SMOC2: variants seen among roughly 807,000 people sequenced by gnomAD.
The protein encoded by SMOC2 is SPARC related modular calcium binding 2, also known as SPARC-related modular calcium-binding protein 2.
Under a neutral mutation model 61.4 loss-of-function variants are expected in SMOC2, and 39 were observed. The ratio of observed to expected loss-of-function variants is 0.64; its 90% CI spans 0.49 to 0.83. The LOEUF is 0.83. Ranked by LOEUF, SMOC2 falls within the 40% of genes least tolerant of loss-of-function variation. SMOC2 has a pLI of 0.00. For missense variants in SMOC2, 556 were observed against 592.9 expected (o/e 0.94, Z 0.65); for synonymous variants, 247 against 239.9 (o/e 1.03, Z -0.27).
At chr6:168,517,205 C>T (rs1347119765) in intron 2 of SMOC2, among the ~76,000 whole-genome samples, 2 of 149,634 alleles carry the variant, frequency 1.3e-5, no homozygotes, top group Non-Finnish European at 3.0e-5. Flanking sequence ...CGCTCTGAGG[C>T]CTGTCTGCGG....
At chr6:168,634,064 G>A (rs2115250824) in intron 9 of SMOC2, among the ~76,000 whole-genome samples, 1 of 152,306 alleles carries the variant, frequency 6.6e-6, no homozygotes, top group Non-Finnish European at 1.5e-5. Context: ...AGTTTCCTGA[G>A]GTTTTCCTAG....
At chr6:168,648,331 T>C (rs1319424642) in intron 9 of SMOC2, among the ~76,000 whole-genome samples, 1 of 152,262 alleles carries the variant, frequency 6.6e-6, no homozygotes, top group Admixed American at 6.5e-5. Context: ...CTCGTCGCCC[T>C]GGACAAGTTC....
At position 168,554,925 on chromosome 6, in the gene SMOC2, G is replaced by A. The variant is rs1047684461; in HGVS notation, c.637+5722G>A. ...GCTGGGTCCCCTCTCACCACAGGGC[G>A]TGTGCTCCCTCGGGCACGAGTTCTC... is the stretch of plus-strand genomic sequence containing the variant. On this transcript the variant is annotated intron_variant, in intron 7 of 12. Coordinates refer to ENST00000356284, the MANE Select transcript of SMOC2 (RefSeq NM_001166412.2). 2.0e-5 allele frequency among the ~76,000 whole-genome samples: 3 copies of A among 152,358 alleles called. No homozygotes were observed. The South Asian group carries it at 6.2e-4, about 32-fold the overall frequency.
chr6:168,666,305 T>C lies in SMOC2; in HGVS notation c.1324-116T>C. On this transcript the variant is annotated intron_variant, in intron 12 of 12. Transcript: ENST00000356284. The stretch of plus-strand genomic sequence containing the variant: ...TTCTTACTCATACTTACACCTCACA[T>C]GACCTGCCCAGCCCTCTTTGGTTCA... 2.6e-6 allele frequency: 3 copies of C among 1,157,160 alleles called. No homozygotes were observed. In the South Asian group the frequency reaches 4.2e-5, roughly 16 times the overall value. 71.7% of individuals were successfully genotyped at this position (1,157,160 alleles called of 1,614,324 possible).
At chr6:168,600,682 G>A (rs748310387) in intron 8 of SMOC2, among the ~76,000 whole-genome samples, 9 of 152,210 alleles carry the variant, frequency 5.9e-5, no homozygotes, top group Admixed American at 3.3e-4. Flanking sequence ...TTTGGGAAAG[G>A]GAGCTCAGCA....
intron 7 of SMOC2, among the ~76,000 whole-genome samples, chr6:168,589,570 T>C (rs992732053): frequency 6.6e-6 from 1 of 152,184 alleles, no homozygotes; most frequent in Admixed American, 6.5e-5. Flanking sequence ...CTGTGGGTTC[T>C]GTCTCTGTGG....
At chr6:168,632,353 G>C (rs1355018628) in intron 9 of SMOC2, among the ~76,000 whole-genome samples, 3 of 152,196 alleles carry the variant, frequency 2.0e-5, no homozygotes, top group Admixed American at 6.5e-5. Context: ...TGCTATCTTT[G>C]ACAAATTTTT....
At chr6:168,520,965 G>C (rs1273845353) in intron 2 of SMOC2, among the ~76,000 whole-genome samples, 2 of 152,152 alleles carry the variant, frequency 1.3e-5, no homozygotes, top group Non-Finnish European at 2.9e-5. Context: ...CCAGATCTCT[G>C]TAAAATGTTC....
At chr6:168,543,519 C>T (rs558250268) in intron 4 of SMOC2, 106 bp from the exon 5 acceptor site, 28 of 986,890 alleles carry the variant, frequency 2.8e-5, no homozygotes, top group South Asian at 1.5e-4. Context: ...TGCCGAAGCA[C>T]GGCAAATTAG....
intron 4 of SMOC2, among the ~76,000 whole-genome samples, chr6:168,537,003 G>A (rs192460423): frequency 5.4e-4 from 83 of 152,356 alleles, no homozygotes; most frequent in Non-Finnish European, 1.5e-4. Flanking sequence ...GAGTGAAAAT[G>A]AAGGTGGCAG....
chr6:168,648,699 C>A (rs1787110378), intron 9 of SMOC2, among the ~76,000 whole-genome samples: 1 of 152,204 alleles, frequency 6.6e-6, no homozygotes, highest in Non-Finnish European at 1.5e-5. Context: ...AAGAGACTAA[C>A]ACAGACCTTT....
chr6:168,608,478 G>A (rs1206270761), intron 9 of SMOC2, among the ~76,000 whole-genome samples: 1 of 152,092 alleles, frequency 6.6e-6, no homozygotes, highest in Non-Finnish European at 1.5e-5. Flanking sequence ...GGTCAGACAT[G>A]GAAGAGAAAG....
chr6:168,537,662 T>A (rs1313192493), intron 4 of SMOC2, among the ~76,000 whole-genome samples: 1 of 152,198 alleles, frequency 6.6e-6, no homozygotes, highest in Non-Finnish European at 1.5e-5. Flanking sequence ...CTGGAGCCCC[T>A]AAGAACACAG....
At chr6:168,529,707 C>T (rs1284974454) in intron 4 of SMOC2, among the ~76,000 whole-genome samples, 1 of 152,198 alleles carries the variant, frequency 6.6e-6, no homozygotes, top group Admixed American at 6.5e-5. Flanking sequence ...GTTGAGTATA[C>T]ATACCCCCCA....
At chr6:168,500,219 A>G (rs1284827811) in intron 1 of SMOC2, among the ~76,000 whole-genome samples, 1 of 149,828 alleles carries the variant, frequency 6.7e-6, no homozygotes, top group Non-Finnish European at 1.5e-5. Context: ...CCCAGGAGGC[A>G]GAGGTTGCAG....
chr6:168,582,810 C>T (rs536926632), intron 7 of SMOC2, among the ~76,000 whole-genome samples: 2 of 152,318 alleles, frequency 1.3e-5, no homozygotes, highest in East Asian at 3.9e-4. Flanking sequence ...TCAGCTCAAA[C>T]GAACCGACAC....
intron 9 of SMOC2, among the ~76,000 whole-genome samples, chr6:168,614,147 G>C (rs1448364648): frequency 4.7e-5 from 3 of 64,388 alleles, no homozygotes; most frequent in Admixed American, 1.7e-4. Context: ...AGCACAGGGG[G>C]CCTCTTCACA....
At chr6:168,510,999 T>C (rs1782993790) in intron 2 of SMOC2, among the ~76,000 whole-genome samples, 1 of 152,176 alleles carries the variant, frequency 6.6e-6, no homozygotes, top group Admixed American at 6.6e-5. Context: ...CCCATAACGT[T>C]GTAATGGAGC....
intron 1 of SMOC2, among the ~76,000 whole-genome samples, chr6:168,465,250 C>T (rs775323533): frequency 9.2e-5 from 14 of 152,158 alleles, no homozygotes; most frequent in Non-Finnish European, 1.9e-4. Context: ...TCCATCCTGC[C>T]GCTGCTTTCT....
Sources: allele counts gnomAD v4.1 joint callset (sites outside exome capture counted in the v4.1 genomes callset), GRCh38; gene constraint gnomAD v4.1.1; transcripts MANE v1.5; gene names NCBI Gene and HGNC (gene_info 2026-07-23, HGNC 2026-07-21).